The following PRR16 variants were observed in gnomAD, a reference collection of about 807,000 sequenced individuals.
The protein encoded by PRR16 is proline rich 16.
A neutral mutation model predicts 18.2 loss-of-function variants in PRR16; 6 were observed. The observed-to-expected ratio is 0.33, with a 90% CI of 0.18 to 0.65. The LOEUF (loss-of-function observed/expected upper bound fraction) is 0.65. Among genes scored for constraint, PRR16 ranks in the 30% least tolerant of loss-of-function variants. The pLI is 0.74. For missense variants in PRR16, 412 were observed against 376.6 expected, an observed-to-expected ratio of 1.09 and a Z score of -0.78; for synonymous variants, 151 against 147.8, an observed-to-expected ratio of 1.02 and a Z score of -0.16.
chr5:120,557,682 C>A (rs140095793), intron 1 of PRR16, among the ~76,000 whole-genome samples: 5 of 151,956 alleles, frequency 3.3e-5, no homozygotes, highest in African/African-American at 4.8e-5. Context: ...TTCCTATGGT[C>A]TCTTTTTATT....
the PRR16 span, among the ~76,000 whole-genome samples, chr5:120,750,871 T>C: frequency 6.6e-6 from 1 of 152,214 alleles, no homozygotes; most frequent in Admixed American, 6.5e-5. Context: ...CATTGTTAAC[T>C]GTGGTCACAG....
chr5:120,754,420 T>TTATATAATATATACTATATACTA, the PRR16 span, among the ~76,000 whole-genome samples: 3 of 94,774 alleles, frequency 3.2e-5, no homozygotes, highest in Non-Finnish European at 5.7e-5. Context: ...ATACTATATA[T>TTATATAATATATACTATATACTA]TATATAATAT....
At chr5:120,723,912 G>T in the PRR16 span, among the ~76,000 whole-genome samples, 1 of 151,294 alleles carries the variant, frequency 6.6e-6, no homozygotes. Context: ...TTAATATGAA[G>T]TGGTTTTTAA....
chr5:120,533,773 T>C (rs1580695802), intron 1 of PRR16, among the ~76,000 whole-genome samples: 1 of 152,196 alleles, frequency 6.6e-6, no homozygotes. Flanking sequence ...TGCAAAACTT[T>C]TAACTTTTCT....
the PRR16 span, among the ~76,000 whole-genome samples, chr5:120,693,437 G>C: frequency 6.6e-6 from 1 of 152,198 alleles, no homozygotes; most frequent in African/African-American, 2.4e-5. Context: ...GGGACTACAA[G>C]CTTCAGTTCT....
the PRR16 span, among the ~76,000 whole-genome samples, chr5:120,788,126 T>G: frequency 7.9e-5 from 12 of 152,044 alleles, no homozygotes; most frequent in Non-Finnish European, 1.5e-4. Context: ...CGTGTTCATT[T>G]TAACATATTA....
intron 1 of PRR16, among the ~76,000 whole-genome samples, chr5:120,528,527 A>G (rs1335512847): frequency 1.3e-5 from 2 of 152,192 alleles, no homozygotes; most frequent in African/African-American, 4.8e-5. Context: ...GGTATCTCAG[A>G]GGAAATACAA....
At chr5:120,538,971 A>G (rs1343299154) in intron 1 of PRR16, among the ~76,000 whole-genome samples, 1 of 152,116 alleles carries the variant, frequency 6.6e-6, no homozygotes, top group African/African-American at 2.4e-5. Flanking sequence ...CAGAGAAGGA[A>G]AATTGGTTTG....
chr5:120,531,928 A>T (rs1432219000), intron 1 of PRR16, among the ~76,000 whole-genome samples: 4 of 152,210 alleles, frequency 2.6e-5, no homozygotes, highest in African/African-American at 7.2e-5. Flanking sequence ...CATGTAATGC[A>T]TTGAAGACAA....
chr5:120,573,309 G>A (rs1752964997), intron 1 of PRR16, among the ~76,000 whole-genome samples: 1 of 152,108 alleles, frequency 6.6e-6, no homozygotes, highest in East Asian at 1.9e-4. Context: ...GCTTTGAGAT[G>A]TTTTCTTACT....
At chr5:120,716,260 A>T in the PRR16 span, among the ~76,000 whole-genome samples, 1 of 152,122 alleles carries the variant, frequency 6.6e-6, no homozygotes, top group Admixed American at 6.6e-5. Flanking sequence ...CTTCCTGCCT[A>T]TGTGACTGAT....
At chr5:120,577,471 T>C (rs1753117875) in intron 1 of PRR16, among the ~76,000 whole-genome samples, 1 of 151,838 alleles carries the variant, frequency 6.6e-6, no homozygotes, top group Non-Finnish European at 1.5e-5. Flanking sequence ...AAAGGAATAA[T>C]ACCAATGTTC....
At chr5:120,502,837 G>C (rs1236960488) in intron 1 of PRR16, among the ~76,000 whole-genome samples, 2 of 152,124 alleles carry the variant, frequency 1.3e-5, no homozygotes. Context: ...AGTTAATGCT[G>C]TTGCGTCCCA....
At chr5:120,777,367 G>A in the PRR16 span, among the ~76,000 whole-genome samples, 13 of 151,898 alleles carry the variant, frequency 8.6e-5, no homozygotes, top group Admixed American at 5.2e-4. Flanking sequence ...TAAAATTGCT[G>A]TTGTGTTTTA....
chr5:120,470,832 G>A (rs1193021588), intron 1 of PRR16, among the ~76,000 whole-genome samples: 1 of 152,162 alleles, frequency 6.6e-6, no homozygotes, highest in Non-Finnish European at 1.5e-5. Context: ...TCTTGTAAGT[G>A]GAGAAGTGAA....
chr5:120,642,211 A>G (rs1461822982), intron 1 of PRR16, among the ~76,000 whole-genome samples: 1 of 151,582 alleles, frequency 6.6e-6, no homozygotes, highest in Non-Finnish European at 1.5e-5. Flanking sequence ...TAAATATTTT[A>G]TTTGCAAATC....
chr5:120,509,110 G>A (rs17146705), intron 1 of PRR16, among the ~76,000 whole-genome samples: 3,546 of 152,188 alleles, frequency 0.023, 54 homozygotes, highest in East Asian at 0.033. Context: ...TCTCGATAGT[G>A]AATTTTTAAT....
At chr5:120,697,367 C>A in the PRR16 span, among the ~76,000 whole-genome samples, 3 of 152,206 alleles carry the variant, frequency 2.0e-5, no homozygotes, top group South Asian at 6.2e-4. Context: ...GTGTCAGACA[C>A]GAAGATAAAA....
chr5:120,763,713 T>C, the PRR16 span, among the ~76,000 whole-genome samples: 24 of 151,804 alleles, frequency 1.6e-4, no homozygotes, highest in African/African-American at 5.3e-4. Flanking sequence ...TTTGTTCATG[T>C]CTTCTTCAAT....
Sources: gnomAD v4.1 joint callset for allele counts (sites outside exome capture counted in the v4.1 genomes callset) on GRCh38, gnomAD v4.1.1 for gene constraint, MANE v1.5 for transcripts, NCBI Gene and HGNC (gene_info 2026-07-23, HGNC 2026-07-21) for gene names.